GRM2: variants seen among roughly 807,000 people sequenced by gnomAD.
GRM2 encodes metabotropic glutamate receptor 2.
A neutral mutation model predicts 60.4 loss-of-function variants in GRM2; 35 were observed. That is an observed-to-expected ratio of 0.58 (90% CI 0.44 to 0.77). The LOEUF (loss-of-function observed/expected upper bound fraction) is 0.77. Ranked by LOEUF, GRM2 falls within the 30% of genes least tolerant of loss-of-function variation. The pLI, the probability that GRM2 is intolerant of heterozygous loss-of-function variation, is 0.00. For synonymous variants in GRM2, 437 were observed against 484.1 expected, an observed-to-expected ratio of 0.90 and a Z score of 1.28; for missense variants, 925 against 1,199.5, an observed-to-expected ratio of 0.77 and a Z score of 3.38.
chr3:51,713,174 A>G lies in GRM2; in HGVS notation c.1152A>G (p.Ala384=). ...QESKIMFVVN[A]VYAMAHALHN... is the part of the protein sequence containing the mutation. ...CCAAGATCATGTTTGTGGTCAATGCAGTGTACGCCATGGCCCATGCGCTCC... is the reference window on the plus strand; with the variant it reads ...CCAAGATCATGTTTGTGGTCAATGCGGTGTACGCCATGGCCCATGCGCTCC... Residue 384 remains alanine, a synonymous_variant, in exon 3 of 6, where the codon GCA becomes GCG. Coordinates refer to ENST00000395052, the MANE Select transcript of GRM2 (RefSeq NM_000839.5). This position sits in a 1 kb window ranked among gnomAD's most constrained non-coding sequence, Gnocchi z 4.8. 1 of 1,613,162 alleles carries G rather than the reference A, an allele frequency of 6.2e-7. No homozygotes were observed. Among genetic ancestry groups the G allele is most frequent in the Non-Finnish European group, 8.5e-7 (1 of 1,180,018 alleles).
rs1382423937 is a variant in GRM2 at position 51,718,121 on chromosome 3, T to C, written c.*9T>C. The C allele has an allele frequency of 1.2e-6, 2 of 1,612,234 alleles. No homozygotes were observed. Among genetic ancestry groups the C allele is most frequent in the Admixed American group, 3.3e-5 (2 of 60,020 alleles). ...CAACGTCATCGCTTTGAAGACCCCA[T>C]ACTCCCGCCCTGACACAGCTGCTCC... On this transcript the variant is annotated 3_prime_UTR_variant, in exon 6 of 6. Coordinates refer to ENST00000395052, the MANE Select transcript of GRM2 (RefSeq NM_000839.5). The surrounding 1 kb of genome is among the most constrained non-coding windows in gnomAD (Gnocchi z 4.2).
intron 2 of GRM2, among the ~76,000 whole-genome samples, chr3:51,710,381 G>A (rs1416452884): frequency 6.6e-6 from 1 of 152,230 alleles, no homozygotes; most frequent in Non-Finnish European, 1.5e-5. Context: ...CAAGTCATAA[G>A]GGCACCGTTG....
chr3:51,709,204 G>A lies in GRM2; in HGVS notation c.221G>A (p.Arg74His). The A allele has an allele frequency of 6.2e-7, 1 of 1,611,032 alleles. No homozygotes were observed. The highest frequency in any genetic ancestry group is 2.2e-5 in the East Asian group (1 of 44,830). ...AMLFALDRIN[R>H]DPHLLPGVRL... ...CTTTTTGCACTGGACCGCATCAACC[G>A]TGACCCGCACCTGCTGCCTGGCGTG... is the stretch of plus-strand genomic sequence containing the variant. The change falls in exon 2 of 6, where the codon CGT (arginine) becomes CAT (histidine). Residue 74 changes from arginine (R) to histidine (H), a missense_variant. By Grantham distance (29) the Arg-to-His change is conservative. Coordinates refer to ENST00000395052, the MANE Select transcript of GRM2 (RefSeq NM_000839.5).
In GRM2 at chr3:51,709,139, T is replaced by C. The variant is rs1703601702; in HGVS notation, c.156T>C (p.Pro52=). 2 of 1,612,370 alleles carry C rather than the reference T, an allele frequency of 1.2e-6. No homozygotes were observed. The highest frequency in any genetic ancestry group is 2.2e-5 in the South Asian group (2 of 91,084). Residue 52 remains proline, a synonymous_variant, in exon 2 of 6, where the codon CCT becomes CCC. Coordinates refer to ENST00000395052, the MANE Select transcript of GRM2 (RefSeq NM_000839.5). The stretch of plus-strand genomic sequence containing the variant: ...GCGGCCCAGCAGAGGACTGTGGTCC[T>C]GTCAATGAGCACCGTGGCATCCAGC... ...QKGGPAEDCG[P]VNEHRGIQRL... is the part of the protein sequence containing the mutation.
intron 2 of GRM2, chr3:51,711,496 C>T (rs960192196): frequency 1.3e-5 from 2 of 152,512 alleles, no homozygotes; most frequent in African/African-American, 4.8e-5. Flanking sequence ...GCTTCTCCCT[C>T]GTCCTGATCA....
In GRM2 at chr3:51,716,283, A is replaced by C. The variant is rs1703896900; in HGVS notation, c.2364+146A>C. On this transcript the variant is annotated intron_variant, in intron 4 of 5. Coordinates refer to ENST00000395052, the MANE Select transcript of GRM2 (RefSeq NM_000839.5). The surrounding 1 kb of genome is among the most constrained non-coding windows in gnomAD (Gnocchi z 4.0). The stretch of plus-strand genomic sequence containing the variant: ...ACAGCTTGTGTGGATCCCAAGGGGA[A>C]GGTGGGAGGGCTGAATAGGACCTAG... The C allele has an allele frequency of 3.1e-6, 2 of 639,874 alleles. No homozygotes were observed. Among genetic ancestry groups the C allele is most frequent in the African/African-American group, 3.7e-5 (2 of 54,596 alleles). The allele number at this position is 639,874 out of a possible 1,614,324, so 39.6% of individuals were successfully genotyped here.
In GRM2 at chr3:51,717,707, C is replaced by T; in HGVS notation, c.2435C>T (p.Pro812Leu). The change falls in exon 5 of 6, where the codon CCC becomes CTC. Residue 812 changes from proline (P) to leucine (L), a missense_variant. By Grantham distance (98) the Pro-to-Leu change is moderately conservative. Transcript: ENST00000395052. This position sits in a 1 kb window ranked among gnomAD's most constrained non-coding sequence, Gnocchi z 6.0. Reference sequence around the variant, plus strand: ...GTGGTGCTTGGCTGCCTCTTTGCGCCCAAGCTGCACATCATCCTCTTCCAG... The same window carrying T: ...GTGGTGCTTGGCTGCCTCTTTGCGCTCAAGCTGCACATCATCCTCTTCCAG... ...GSVVLGCLFAPKLHIILFQPQ... is the reference protein window; with the variant it reads ...GSVVLGCLFALKLHIILFQPQ... 6.2e-7 allele frequency: 1 copy of T among 1,614,140 alleles called. No individual in the cohort carries two copies. The highest frequency in any genetic ancestry group is 8.5e-7 in the Non-Finnish European group (1 of 1,180,028).
Position 51,715,119 on chromosome 3 carries a change from G to T in GRM2, c.1346G>T (p.Gly449Val). ...GTCCGCTTTGACCGCTTTGGTGATG[G>T]TATTGGCCGCTACAACATCTTCACC... Reference protein sequence around the residue: ...NEVRFDRFGDGIGRYNIFTYL... With the variant: ...NEVRFDRFGDVIGRYNIFTYL... The change falls in exon 4 of 6, where the codon GGT becomes GTT. Residue 449 changes from glycine (G) to valine (V), a missense_variant. Coordinates refer to ENST00000395052, the MANE Select transcript of GRM2 (RefSeq NM_000839.5). This position sits in a 1 kb window ranked among gnomAD's most constrained non-coding sequence, Gnocchi z 9.0. 4 of 1,606,002 alleles carry T rather than the reference G, an allele frequency of 2.5e-6. No individual in the cohort carries two copies. Among genetic ancestry groups the T allele is most frequent in the Non-Finnish European group, 3.4e-6 (4 of 1,175,500 alleles).
rs1178613232 is a variant in GRM2, at chr3:51,715,330, C to T, written c.1557C>T (p.Cys519=). 1 of 1,613,824 alleles carries T rather than the reference C, an allele frequency of 6.2e-7. No homozygotes were observed. The highest frequency in any genetic ancestry group is 8.5e-7 in the Non-Finnish European group (1 of 1,179,964). Residue 519 remains cysteine, a synonymous_variant, in exon 4 of 6, where the codon TGC becomes TGT. Coordinates refer to ENST00000395052, the MANE Select transcript of GRM2 (RefSeq NM_000839.5). The surrounding 1 kb of genome is among the most constrained non-coding windows in gnomAD (Gnocchi z 9.0). ...VKSVQPGEVC[C]WLCIPCQPYE... ...GTGTGCAGCCGGGCGAAGTCTGCTG[C>T]TGGCTCTGCATTCCGTGCCAGCCCT...
chr3:51,707,250 C>G (rs1322829860), intron 1 of GRM2, 83 bp downstream of exon 1: 1 of 152,588 alleles, frequency 6.6e-6, no homozygotes, highest in Non-Finnish European at 1.5e-5. Flanking sequence ...CCTGCGGGCC[C>G]TCAAGTTGTG....
intron 1 of GRM2, chr3:51,707,899 G>A (rs1444669069): frequency 1.3e-5 from 2 of 152,408 alleles, no homozygotes; most frequent in African/African-American, 2.4e-5. Context: ...AGGCAACTGG[G>A]GTACAAATGA....
rs1473150212 is a variant in GRM2 at position 51,716,208 on chromosome 3, T to C, written c.2364+71T>C. The stretch of plus-strand genomic sequence containing the variant: ...CTCTGTTTCCTGGTATCTTATTTAA[T>C]CTACTGGTAGCTCTGGGGTTCCAAG... On this transcript the variant is annotated intron_variant, in intron 4 of 5. Coordinates refer to ENST00000395052, the MANE Select transcript of GRM2 (RefSeq NM_000839.5). The surrounding 1 kb of genome is among the most constrained non-coding windows in gnomAD (Gnocchi z 4.0). 2 of 1,029,384 alleles carry C rather than the reference T, an allele frequency of 1.9e-6. No individual in the cohort carries two copies. Among genetic ancestry groups the C allele is most frequent in the Non-Finnish European group, 3.0e-6 (2 of 674,724 alleles). 63.8% of individuals were successfully genotyped at this position (1,029,384 alleles called of 1,614,324 possible). A position where few individuals can be genotyped will look rare whatever the true frequency, so the allele number is the denominator to read the frequency against.
rs1347446235 is a variant in GRM2 at position 51,715,161 on chromosome 3, G to A, written c.1388G>A (p.Ser463Asn). Residue 463 changes from serine (S) to asparagine (N), a missense_variant, in exon 4 of 6, where the codon AGT (serine) becomes AAT (asparagine). Physicochemically the swap from Ser to Asn is conservative, Grantham distance 46. Transcript: ENST00000395052. The surrounding 1 kb of genome is among the most constrained non-coding windows in gnomAD (Gnocchi z 9.0). ...YNIFTYLRAG[S>N]GRYRYQKVGY... is the part of the protein sequence containing the mutation. ...ATCTTCACCTATCTGCGTGCAGGCA[G>A]TGGGCGCTATCGCTACCAGAAGGTG... The A allele has an allele frequency of 1.2e-6, 2 of 1,613,898 alleles. No individual in the cohort carries two copies. Among genetic ancestry groups the A allele is most frequent in the East Asian group, 2.2e-5 (1 of 44,876 alleles).
rs1703792081 is a variant in GRM2 at position 51,713,355 on chromosome 3, G to A, written c.1288+45G>A. On this transcript the variant is annotated intron_variant, in intron 3 of 5. Coordinates refer to ENST00000395052, the MANE Select transcript of GRM2 (RefSeq NM_000839.5). This position sits in a 1 kb window ranked among gnomAD's most constrained non-coding sequence, Gnocchi z 4.8. Reference sequence around the variant, plus strand: ...TCCATTGGCCTGCTGGCTGTCAGAGGATGAGGGGAAGCAGAACTTCAGCTT... The same window carrying A: ...TCCATTGGCCTGCTGGCTGTCAGAGAATGAGGGGAAGCAGAACTTCAGCTT... The A allele has an allele frequency of 8.4e-6, 11 of 1,306,848 alleles. No individual in the cohort carries two copies. The highest frequency in any genetic ancestry group is 1.5e-5 in the African/African-American group (1 of 68,516). 81.0% of individuals were successfully genotyped at this position (1,306,848 alleles called of 1,614,324 possible).
intron 2 of GRM2, among the ~76,000 whole-genome samples, chr3:51,710,031 C>A (rs1160770733): frequency 1.3e-5 from 2 of 151,498 alleles, no homozygotes; most frequent in East Asian, 3.9e-4. Context: ...GCTCTGTCTC[C>A]CAGGCTGGAG....
In GRM2 at chr3:51,709,333, C is replaced by T. The variant is rs774667809; in HGVS notation, c.350C>T (p.Ser117Leu). ...TCACTCAGCCGTGGTGCTGATGGCT[C>T]ACGCCACATCTGCCCCGACGGCTCT... The part of the protein sequence containing the change: ...RASLSRGADG[S>L]RHICPDGSYA... Residue 117 changes from serine (S) to leucine (L), a missense_variant, in exon 2 of 6, where the codon TCA becomes TTA. Transcript: ENST00000395052. 6.2e-7 allele frequency: 1 copy of T among 1,600,934 alleles called. No homozygotes were observed.
At chr3:51,708,648 A>G (rs913675557) in intron 1 of GRM2, 200 bp from the exon 2 acceptor site, 4 of 233,254 alleles carry the variant, frequency 1.7e-5, no homozygotes, top group African/African-American at 9.0e-5. Flanking sequence ...CCCATCTCTC[A>G]CCAAGCTGAG....
rs781752079 is a variant in GRM2 at position 51,715,493 on chromosome 3, A to G, written c.1720A>G (p.Ile574Val). Residue 574 changes from isoleucine (I) to valine (V), a missense_variant, in exon 4 of 6, where the codon ATC (isoleucine) becomes GTC (valine). Physicochemically the swap from Ile to Val is conservative, Grantham distance 29. Coordinates refer to ENST00000395052, the MANE Select transcript of GRM2 (RefSeq NM_000839.5). This position sits in a 1 kb window ranked among gnomAD's most constrained non-coding sequence, Gnocchi z 9.0. ...TGCCTGGGCTGTGGGACCTGTCACC[A>G]TCGCCTGCCTCGGTGCCCTGGCCAC... ...GDAWAVGPVTIACLGALATLF... is the reference protein window; with the variant it reads ...GDAWAVGPVTVACLGALATLF... 2 of 1,613,106 alleles carry G rather than the reference A, an allele frequency of 1.2e-6. No homozygotes were observed. Among genetic ancestry groups the G allele is most frequent in the Non-Finnish European group, 1.7e-6 (2 of 1,180,002 alleles).
chr3:51,717,654 G>A lies in GRM2; in HGVS notation c.2382G>A (p.Met794Ile). 6.2e-7 allele frequency: 1 copy of A among 1,613,698 alleles called. No homozygotes were observed. The highest frequency in any genetic ancestry group is 8.5e-7 in the Non-Finnish European group (1 of 1,179,962). ...SSDYRVQTTT[M>I]CVSVSLSGSV... ...CACCGCAGGTACAGACCACCACCAT[G>A]TGCGTGTCAGTCAGCCTCAGCGGCT... The change falls in exon 5 of 6, where the codon ATG becomes ATA. Residue 794 changes from methionine (M) to isoleucine (I), a missense_variant. Met to Ile is a conservative substitution (Grantham distance 10). Transcript: ENST00000395052. This position sits in a 1 kb window ranked among gnomAD's most constrained non-coding sequence, Gnocchi z 6.0.
Sources: allele counts gnomAD v4.1 joint callset (sites outside exome capture counted in the v4.1 genomes callset), GRCh38; gene constraint gnomAD v4.1.1; non-coding constraint Gnocchi (gnomAD v3.1); transcripts MANE v1.5; gene names NCBI Gene and HGNC (gene_info 2026-07-23, HGNC 2026-07-21).